KIF13A: variants seen among roughly 807,000 people sequenced by gnomAD.
KIF13A encodes the protein kinesin-like protein KIF13A.
A neutral mutation model predicts 212.2 loss-of-function variants in KIF13A; 79 were observed. That is an observed-to-expected ratio of 0.37 (90% CI 0.31 to 0.45). KIF13A has a LOEUF of 0.45. KIF13A is among the 20% of genes least tolerant of loss of function. The pLI is 1.00. For synonymous variants in KIF13A, 789 were observed against 808.6 expected (o/e 0.98, Z 0.41); for missense variants, 1,901 against 2,209.0 (o/e 0.86, Z 2.79).
In KIF13A at chr6:17,799,275, G is replaced by C. The variant is rs533262363; in HGVS notation, c.2781C>G (p.Ser927=). The change falls in exon 22 of 39, where the codon TCC becomes TCG. Residue 927 remains serine (S), a synonymous_variant. Coordinates refer to ENST00000259711, the MANE Select transcript of KIF13A (RefSeq NM_022113.6). This position sits in a 1 kb window ranked among gnomAD's most constrained non-coding sequence, Gnocchi z 4.4. ...GTAATGGCATTTGTACCTTACAGTG[G>C]GAGAAGGTCACTGTGTACTGGGCAT... The part of the protein sequence containing the change: ...SKDAQYTVTF[S]HCKDYVVNVT... 2 of 1,596,132 alleles carry C rather than the reference G, an allele frequency of 1.3e-6. No individual in the cohort carries two copies. Among genetic ancestry groups the C allele is most frequent in the African/African-American group, 1.3e-5 (1 of 74,324 alleles).
At chr6:17,950,857 A>G in intron 2 of KIF13A, 3 of 982,480 alleles carry the variant, frequency 3.1e-6, no homozygotes, top group Non-Finnish European at 3.6e-6. Flanking sequence ...ATACAACACT[A>G]TTGAACATAA....
intron 3 of KIF13A, among the ~76,000 whole-genome samples, chr6:17,882,566 AT>A (rs71536759): frequency 5.7e-3 from 815 of 143,922 alleles, no homozygotes; most frequent in African/African-American, 6.5e-3. Context: ...TCCTTTATAA[AT>A]TTTTTTTTTT....
At chr6:17,885,886 T>TG (rs1378743931) in intron 3 of KIF13A, among the ~76,000 whole-genome samples, 4 of 152,080 alleles carry the variant, frequency 2.6e-5, no homozygotes, top group African/African-American at 7.2e-5. Context: ...GGCTGAGGAG[T>TG]GGGGGTCGGA....
intron 2 of KIF13A, among the ~76,000 whole-genome samples, chr6:17,925,605 G>T (rs965716283): frequency 6.6e-6 from 1 of 152,176 alleles, no homozygotes; most frequent in Non-Finnish European, 1.5e-5. Flanking sequence ...AGATTTCCTG[G>T]ACACTTTACT....
At chr6:17,884,497 G>A (rs1771362918) in intron 3 of KIF13A, among the ~76,000 whole-genome samples, 1 of 152,210 alleles carries the variant, frequency 6.6e-6, no homozygotes, top group African/African-American at 2.4e-5. Context: ...ACAGGATAGT[G>A]TAGATGGGTA....
intron 2 of KIF13A, among the ~76,000 whole-genome samples, chr6:17,938,143 C>T (rs1461076536): frequency 1.3e-5 from 2 of 152,170 alleles, no homozygotes; most frequent in Non-Finnish European, 2.9e-5. Flanking sequence ...GATCTTCTCA[C>T]CTAGGCCTCC....
rs369146918 is a variant in KIF13A, at chr6:17,781,201, G to C, written c.3645C>G (p.Pro1215=). 2.0e-5 allele frequency: 32 copies of C among 1,613,754 alleles called. No homozygotes were observed. The highest frequency in any genetic ancestry group is 2.5e-5 in the Non-Finnish European group (30 of 1,179,864). The change falls in exon 30 of 39, where the codon CCC becomes CCG. Residue 1215 remains proline (P), a synonymous_variant. Coordinates refer to ENST00000259711, the MANE Select transcript of KIF13A (RefSeq NM_022113.6). ...CCTCATCATCACTGTGCTTTATGAT[G>C]GGCAGGTAGAAAAACTGGCTGCCAT... ...KEHGSQFFYL[P]IIKHSDDEVS... is the part of the protein sequence containing the mutation.
chr6:17,982,766 A>T lies in KIF13A; in HGVS notation c.146+4288T>A, dbSNP rs1781198968. Among the ~76,000 whole-genome samples the T allele has an allele frequency of 1.3e-5, 2 of 152,232 alleles. No homozygotes were observed. The highest frequency in any genetic ancestry group is 1.3e-4 in the Admixed American group (2 of 15,286). ...TCACAGCACAGCATCACTTCCTAAA[A>T]GTCACGGGGATCAGACCCGTAAGCC... On this transcript the variant is annotated intron_variant, in intron 2 of 38. Coordinates refer to ENST00000259711, the MANE Select transcript of KIF13A (RefSeq NM_022113.6). The surrounding 1 kb of genome is among the most constrained non-coding windows in gnomAD (Gnocchi z 5.1).
Position 17,787,925 on chromosome 6 carries a change from T to C in KIF13A, c.3262-50A>G, listed in dbSNP as rs779636501. 21 of 972,370 alleles carry C rather than the reference T, an allele frequency of 2.2e-5. No individual in the cohort carries two copies. The African/African-American group carries it at 3.3e-4, about 15-fold the overall frequency. 60.2% of individuals were successfully genotyped at this position (972,370 alleles called of 1,614,324 possible). A position where few individuals can be genotyped will look rare whatever the true frequency, so the allele number is the denominator to read the frequency against. On this transcript the variant is annotated intron_variant, in intron 26 of 38. Transcript: ENST00000259711. This position sits in a 1 kb window ranked among gnomAD's most constrained non-coding sequence, Gnocchi z 4.6. Reference sequence around the variant, plus strand: ...TTCCTGTAGACTGCACAGACAACGATTTCTTTCTTTCTTTTTTTAAAAGAT... The same window carrying C: ...TTCCTGTAGACTGCACAGACAACGACTTCTTTCTTTCTTTTTTTAAAAGAT...
Position 17,799,205 on chromosome 6 carries a change from T to G in KIF13A, c.2790+61A>C, listed in dbSNP as rs1293418139. ...ACAAATGCTTGTGGGGACAACTGATTGTTGAACTGCACCAATTTCTGCTGC... is the reference window on the plus strand; with the variant it reads ...ACAAATGCTTGTGGGGACAACTGATGGTTGAACTGCACCAATTTCTGCTGC... On this transcript the variant is annotated intron_variant, in intron 22 of 38. Transcript: ENST00000259711. The surrounding 1 kb of genome is among the most constrained non-coding windows in gnomAD (Gnocchi z 4.4). The G allele has an allele frequency of 8.4e-7, 1 of 1,189,472 alleles. No individual in the cohort carries two copies. The highest frequency in any genetic ancestry group is 2.6e-5 in the East Asian group (1 of 39,144). The allele number at this position is 1,189,472 out of a possible 1,614,324, so 73.7% of individuals were successfully genotyped here.
chr6:17,901,900 G>A (rs1287863650), intron 2 of KIF13A, among the ~76,000 whole-genome samples: 1 of 152,200 alleles, frequency 6.6e-6, no homozygotes, highest in Non-Finnish European at 1.5e-5. Context: ...GGAAGGCTGA[G>A]GCATGAGAAT....
chr6:17,834,137 G>C lies in KIF13A; in HGVS notation c.1156-66C>G, dbSNP rs921551436. ...TCCACCATCATATACAAGACAATCA[G>C]TTACTGTCCCTCTTAAGCAGTTATC... On this transcript the variant is annotated intron_variant, in intron 11 of 38. Transcript: ENST00000259711. This position sits in a 1 kb window ranked among gnomAD's most constrained non-coding sequence, Gnocchi z 4.0. 1 of 916,898 alleles carries C rather than the reference G, an allele frequency of 1.1e-6. No individual in the cohort carries two copies. Among genetic ancestry groups the C allele is most frequent in the South Asian group, 1.6e-5 (1 of 63,450 alleles). The allele number at this position is 916,898 out of a possible 1,614,324, so 56.8% of individuals were successfully genotyped here.
At chr6:17,797,241 C>T (rs932764522) in intron 22 of KIF13A, among the ~76,000 whole-genome samples, 1 of 151,838 alleles carries the variant, frequency 6.6e-6, no homozygotes, top group African/African-American at 2.4e-5. Context: ...GTGTTAGCTA[C>T]GATGGTCTCG....
Position 17,785,058 on chromosome 6 carries a change from G to A in KIF13A, c.3488+457C>T, listed in dbSNP as rs1221802433. Among the ~76,000 whole-genome samples, 2 of 152,146 alleles carry A rather than the reference G, an allele frequency of 1.3e-5. No homozygotes were observed. The highest frequency in any genetic ancestry group is 3.9e-4 in the East Asian group (2 of 5,194). On this transcript the variant is annotated intron_variant, in intron 28 of 38. Coordinates refer to ENST00000259711, the MANE Select transcript of KIF13A (RefSeq NM_022113.6). This position sits in a 1 kb window ranked among gnomAD's most constrained non-coding sequence, Gnocchi z 5.8. The stretch of plus-strand genomic sequence containing the variant: ...TAAGCAGCAGCAGCTAGGATTTAAT[G>A]AATGGGTATGAAAGGTGTTTTATAC...
In KIF13A at chr6:17,799,560, T is replaced by C; in HGVS notation, c.2617-121A>G. Reference sequence around the variant, plus strand: ...TGGTCATCCATTTGACATGTGAAAATATTATATCTGACACCGTGACACTAA... The same window carrying C: ...TGGTCATCCATTTGACATGTGAAAACATTATATCTGACACCGTGACACTAA... On this transcript the variant is annotated intron_variant, in intron 21 of 38. Coordinates refer to ENST00000259711, the MANE Select transcript of KIF13A (RefSeq NM_022113.6). This position sits in a 1 kb window ranked among gnomAD's most constrained non-coding sequence, Gnocchi z 4.4. 1.3e-6 allele frequency: 1 copy of C among 780,022 alleles called. No individual in the cohort carries two copies. Among genetic ancestry groups the C allele is most frequent in the South Asian group, 2.1e-5 (1 of 48,616 alleles). 48.3% of individuals were successfully genotyped at this position (780,022 alleles called of 1,614,324 possible).
chr6:17,921,463 A>G (rs1218442061), intron 2 of KIF13A, among the ~76,000 whole-genome samples: 1 of 152,252 alleles, frequency 6.6e-6, no homozygotes, highest in Non-Finnish European at 1.5e-5. Flanking sequence ...TCAGAGGACC[A>G]TAACAATGAT....
rs1323343177 is a variant in KIF13A at position 17,834,642 on chromosome 6, A to G, written c.1156-571T>C. On this transcript the variant is annotated intron_variant, in intron 11 of 38. Coordinates refer to ENST00000259711, the MANE Select transcript of KIF13A (RefSeq NM_022113.6). This position sits in a 1 kb window ranked among gnomAD's most constrained non-coding sequence, Gnocchi z 4.0. ...CCCTTCTAGTTTGTTCAGGGAGAGT[A>G]ACTAAGAGGTTTCAATACAGATACT... Among the ~76,000 whole-genome samples, 1 of 152,226 alleles carries G rather than the reference A, an allele frequency of 6.6e-6. No individual in the cohort carries two copies. The highest frequency in any genetic ancestry group is 1.5e-5 in the Non-Finnish European group (1 of 68,038).
intron 18 of KIF13A, among the ~76,000 whole-genome samples, chr6:17,807,214 G>C (rs982842408): frequency 6.6e-6 from 1 of 152,162 alleles, no homozygotes; most frequent in African/African-American, 2.4e-5. Context: ...CATAAGGTCT[G>C]ACTGCCTGCA....
chr6:17,916,322 G>A (rs1774512595), intron 2 of KIF13A, among the ~76,000 whole-genome samples: 1 of 152,118 alleles, frequency 6.6e-6, no homozygotes, highest in South Asian at 2.1e-4. Context: ...TAAATAAATG[G>A]GTAGGTAATA....
Sources: gnomAD v4.1 joint callset for allele counts (sites outside exome capture counted in the v4.1 genomes callset) on GRCh38, gnomAD v4.1.1 for gene constraint, Gnocchi (gnomAD v3.1) non-coding constraint, MANE v1.5 for transcripts, NCBI Gene and HGNC (gene_info 2026-07-23, HGNC 2026-07-21) for gene names.